Variants in CTNNA3 observed in about 807,000 individuals in gnomAD.
CTNNA3 encodes catenin alpha 3.
Under a neutral mutation model 95.7 loss-of-function variants are expected in CTNNA3, and 76 were observed. That is an observed-to-expected ratio of 0.79 (90% CI 0.66 to 0.96). The LOEUF (loss-of-function observed/expected upper bound fraction) is 0.96, where lower values mean the gene tolerates loss of function less well. CTNNA3 is among the 40% of genes least tolerant of loss of function. The pLI, the probability that CTNNA3 is intolerant of heterozygous loss-of-function variation, is 0.00. For missense variants in CTNNA3, 1,191 were observed against 1,089.8 expected (o/e 1.09, Z -1.31); for synonymous variants, 431 against 374.4 (o/e 1.15, Z -1.74).
At chr10:66,501,106 A>G (rs1198673977) in intron 11 of CTNNA3, among the ~76,000 whole-genome samples, 1 of 152,212 alleles carries the variant, frequency 6.6e-6, no homozygotes, top group Non-Finnish European at 1.5e-5. Context: ...TAACTTATTT[A>G]TAAATTCCTG....
chr10:65,951,766 A>G (rs1438426082), intron 17 of CTNNA3, among the ~76,000 whole-genome samples: 1 of 152,172 alleles, frequency 6.6e-6, no homozygotes, highest in African/African-American at 2.4e-5. Context: ...GCGGTGGCTT[A>G]CGCCTGTAAT....
At position 65,928,534 on chromosome 10, in the gene CTNNA3, ACAGT is replaced by A. The variant is rs553226068; in HGVS notation, c.2401-7921_2401-7918del. 1.9e-4 allele frequency among the ~76,000 whole-genome samples: 29 copies of A among 152,320 alleles called. No individual in the cohort carries two copies. The South Asian group carries it at 3.7e-3, about 20-fold the overall frequency. ...CTTTTTTACCCTTTTATTACTTGAC[ACAGT>A]CTACAGGAGATATCTGGCATATGAA... On this transcript the variant is annotated intron_variant, in intron 17 of 17. Coordinates refer to ENST00000433211, the MANE Select transcript of CTNNA3 (RefSeq NM_013266.4).
In CTNNA3 at chr10:67,647,146, T is replaced by TTATATATATATA. The variant is rs67324505; in HGVS notation, c.99+257_99+268dup. On this transcript the variant is annotated intron_variant, in intron 2 of 17. Transcript: ENST00000433211. ...AATTTATATAAAGGTACTCTGAAAA[T>TTATATATATATA]TATATATATATATATATATATATAT... 6.4e-3 allele frequency among the ~76,000 whole-genome samples: 879 copies of TTATATATATATA among 136,350 alleles called. 5 individuals carry two copies. Among genetic ancestry groups the TTATATATATATA allele is most frequent in the South Asian group, 6.6e-3 (28 of 4,240 alleles). 89.5% of individuals were successfully genotyped at this position (136,350 alleles called of 152,430 possible). A position where few individuals can be genotyped will look rare whatever the true frequency, so the allele number is the denominator to read the frequency against.
intron 7 of CTNNA3, among the ~76,000 whole-genome samples, chr10:67,005,515 G>C (rs1851915700): frequency 6.6e-6 from 1 of 151,946 alleles, no homozygotes. Context: ...TTGTAGACTA[G>C]TGACTTCCCA....
rs550353335 is a variant in CTNNA3, at chr10:67,180,703, G to T, written c.844-183C>A. 5.3e-5 allele frequency among the ~76,000 whole-genome samples: 8 copies of T among 152,288 alleles called. No homozygotes were observed. The South Asian group carries it at 1.7e-3, about 32-fold the overall frequency. ...ATTATTATTCTGATAAATAATGAAAGTGATGCAATTATGAGCTTTTGTTCT... is the reference window on the plus strand; with the variant it reads ...ATTATTATTCTGATAAATAATGAAATTGATGCAATTATGAGCTTTTGTTCT... On this transcript the variant is annotated intron_variant, in intron 6 of 17. Transcript: ENST00000433211.
In CTNNA3 at chr10:67,068,135, G is replaced by T. The variant is rs140878377; in HGVS notation, c.1047+112182C>A. ...TTTGGAAACTATTTAGAGAAATAAT[G>T]AGAGCTAAACTAAGCTGAGTCAGTG... On this transcript the variant is annotated intron_variant, in intron 7 of 17. Transcript: ENST00000433211. Among the ~76,000 whole-genome samples the T allele has an allele frequency of 4.1e-3, 629 of 152,256 alleles. 4 individuals are homozygous for T. Among genetic ancestry groups the T allele is most frequent in the African/African-American group, 0.014 (593 of 41,550 alleles).
chr10:66,718,289 A>T (rs1848517446), intron 9 of CTNNA3, among the ~76,000 whole-genome samples: 1 of 152,050 alleles, frequency 6.6e-6, no homozygotes, highest in Non-Finnish European at 1.5e-5. Context: ...ATGGCAGCCT[A>T]ATGAGTTCCC....
At chr10:66,774,757 G>T (rs1402818936) in intron 8 of CTNNA3, among the ~76,000 whole-genome samples, 1 of 152,154 alleles carries the variant, frequency 6.6e-6, no homozygotes, top group Non-Finnish European at 1.5e-5. Flanking sequence ...TTGAACAGAG[G>T]AAAGGAATGA....
chr10:66,130,012 G>A (rs1395140799), intron 13 of CTNNA3, among the ~76,000 whole-genome samples: 1 of 152,124 alleles, frequency 6.6e-6, no homozygotes, highest in Non-Finnish European at 1.5e-5. Context: ...TGGCAGGCAT[G>A]AAACCTGCCT....
chr10:66,521,690 T>C (rs1841073006), intron 10 of CTNNA3, among the ~76,000 whole-genome samples: 1 of 152,168 alleles, frequency 6.6e-6, no homozygotes, highest in Non-Finnish European at 1.5e-5. Context: ...AGGAAGTCAT[T>C]AAGTAAAATG....
At chr10:67,467,137 C>CA (rs934616998) in intron 5 of CTNNA3, among the ~76,000 whole-genome samples, 26 of 149,128 alleles carry the variant, frequency 1.7e-4, no homozygotes, top group African/African-American at 4.9e-4. Context: ...GATCTCCTCT[C>CA]AAAAAAAAAG....
intron 4 of CTNNA3, among the ~76,000 whole-genome samples, chr10:67,525,718 C>T (rs550903835): frequency 4.6e-5 from 7 of 152,226 alleles, no homozygotes; most frequent in Non-Finnish European, 8.8e-5. Context: ...TCACTGCCAA[C>T]GCCCTGGCTT....
chr10:66,770,462 A>G (rs4313460), intron 8 of CTNNA3, among the ~76,000 whole-genome samples: 129,323 of 152,120 alleles, frequency 0.85, 55,266 homozygotes, highest in East Asian at 1. Flanking sequence ...GGAATTACAG[A>G]TACATACTTT....
chr10:66,057,858 C>A (rs558269964), intron 15 of CTNNA3, among the ~76,000 whole-genome samples: 4 of 152,052 alleles, frequency 2.6e-5, no homozygotes, highest in Non-Finnish European at 4.4e-5. Context: ...ATCCTCTTAT[C>A]CCATATTTTA....
intron 1 of CTNNA3, among the ~76,000 whole-genome samples, chr10:67,673,066 G>A (rs1840469296): frequency 6.6e-6 from 1 of 151,692 alleles, no homozygotes; most frequent in African/African-American, 2.4e-5. Flanking sequence ...TCCTTGAAGA[G>A]GTCCTTCACA....
chr10:66,356,160 G>C (rs551046034), intron 12 of CTNNA3, among the ~76,000 whole-genome samples: 6 of 96,424 alleles, frequency 6.2e-5, no homozygotes, highest in Admixed American at 1.1e-4. Flanking sequence ...TGGTTCCTTT[G>C]CCTTTCCATA....
chr10:66,763,376 A>G (rs1462177146), intron 9 of CTNNA3, among the ~76,000 whole-genome samples: 1 of 151,828 alleles, frequency 6.6e-6, no homozygotes, highest in Non-Finnish European at 1.5e-5. Flanking sequence ...AAAGAGAGAA[A>G]GAGAGAGAGA....
chr10:66,360,630 T>C (rs1452939832), intron 12 of CTNNA3, among the ~76,000 whole-genome samples: 7 of 43,176 alleles, frequency 1.6e-4, no homozygotes, highest in African/African-American at 5.7e-4. Context: ...TTTCTTTCTT[T>C]CTTTCTTTCT....
At chr10:66,151,523 T>C (rs1306012702) in intron 13 of CTNNA3, among the ~76,000 whole-genome samples, 2 of 152,024 alleles carry the variant, frequency 1.3e-5, no homozygotes, top group African/African-American at 2.4e-5. Context: ...ATTCAAAAGT[T>C]TCATAACAAA....
Sources: gnomAD v4.1 joint callset for allele counts (sites outside exome capture counted in the v4.1 genomes callset) on GRCh38, gnomAD v4.1.1 for gene constraint, MANE v1.5 for transcripts, NCBI Gene and HGNC (gene_info 2026-07-23, HGNC 2026-07-21) for gene names.